Variants in OVOL1 observed in about 807,000 individuals in gnomAD.
OVOL1 encodes putative transcription factor Ovo-like 1.
A neutral mutation model predicts 21.5 loss-of-function variants in OVOL1; 10 were observed. That is an observed-to-expected ratio of 0.46 (90% CI 0.29 to 0.79). OVOL1 has a LOEUF of 0.79. Ranked by LOEUF, OVOL1 falls within the 30% of genes least tolerant of loss-of-function variation. OVOL1 has a pLI of 0.10. For missense variants in OVOL1, 279 were observed against 362.3 expected, an observed-to-expected ratio of 0.77 and a Z score of 1.87; for synonymous variants, 129 against 150.3, an observed-to-expected ratio of 0.86 and a Z score of 1.03.
chr11:65,791,736 G>A (rs1210586023), intron 1 of OVOL1, among the ~76,000 whole-genome samples: 1 of 152,268 alleles, frequency 6.6e-6, no homozygotes, highest in African/African-American at 2.4e-5. Context: ...CAGGCAGTAG[G>A]AAGAGGGCCA....
chr11:65,794,064 G>A lies in OVOL1; in HGVS notation c.134G>A (p.Arg45Gln), dbSNP rs775374544. Reference sequence around the variant, plus strand: ...GGCTTCTGCCCACCACAGCCCTACCGGGAGCCGGAACCCTCTGTGGCCGAA... The same window carrying A: ...GGCTTCTGCCCACCACAGCCCTACCAGGAGCCGGAACCCTCTGTGGCCGAA... ...SLGFCPPQPYREPEPSVAEPP... is the reference protein window; with the variant it reads ...SLGFCPPQPYQEPEPSVAEPP... The change falls in exon 2 of 4, where the codon CGG becomes CAG. Residue 45 changes from arginine (R) to glutamine (Q), a missense_variant. Physicochemically the swap from Arg to Gln is conservative, Grantham distance 43. Coordinates refer to ENST00000335987, the MANE Select transcript of OVOL1 (RefSeq NM_004561.4). 7.9e-5 allele frequency: 127 copies of A among 1,613,890 alleles called. 1 individual carries two copies. Among genetic ancestry groups the A allele is most frequent in the South Asian group, 2.5e-4 (23 of 91,086 alleles).
chr11:65,793,232 GC>G (rs1190069583), intron 1 of OVOL1, among the ~76,000 whole-genome samples: 1 of 152,234 alleles, frequency 6.6e-6, no homozygotes, highest in Non-Finnish European at 1.5e-5. Context: ...AGCCTCCCCG[GC>G]CCGTTCGGTG....
chr11:65,794,773 G>T (rs972186806), intron 3 of OVOL1, 46 bp downstream of exon 3: 1 of 1,585,792 alleles, frequency 6.3e-7, no homozygotes, highest in Admixed American at 1.7e-5. Flanking sequence ...GATCCGCCTG[G>T]CCGCGGCCGT....
In OVOL1 at chr11:65,787,229, G is replaced by T. The variant is rs1857923156; in HGVS notation, c.-145G>T. ...AACCGCCGCGCGCCGTCCGGGCTCG[G>T]ACCTTCCCCGGAACGTGGGGGCGCC... On this transcript the variant is annotated 5_prime_UTR_variant, in exon 1 of 4. Coordinates refer to ENST00000335987, the MANE Select transcript of OVOL1 (RefSeq NM_004561.4). 2 of 608,640 alleles carry T rather than the reference G, an allele frequency of 3.3e-6. No individual in the cohort carries two copies. Among genetic ancestry groups the T allele is most frequent in the Admixed American group, 2.5e-5 (1 of 40,240 alleles). 37.7% of individuals were successfully genotyped at this position (608,640 alleles called of 1,614,324 possible). A position where few individuals can be genotyped will look rare whatever the true frequency, so the allele number is the denominator to read the frequency against.
chr11:65,789,102 T>G (rs2135698937), intron 1 of OVOL1: 1 of 972,726 alleles, frequency 1.0e-6, no homozygotes, highest in East Asian at 1.1e-4. Context: ...ATTTTTAGTT[T>G]TATTTCACAT....
Position 65,795,195 on chromosome 11 carries a change from T to C in OVOL1, c.658T>C (p.Cys220Arg). 6.2e-7 allele frequency: 1 copy of C among 1,613,246 alleles called. No homozygotes were observed. ...AKLYVCEECGCTSESQEGHVL... is the reference protein window; with the variant it reads ...AKLYVCEECGRTSESQEGHVL... ...GCTGTACGTGTGTGAGGAGTGCGGC[T>C]GCACATCTGAGAGCCAGGAGGGCCA... Residue 220 changes from cysteine (C) to arginine (R), a missense_variant, in exon 4 of 4, where the codon TGC (cysteine) becomes CGC (arginine). Transcript: ENST00000335987. The surrounding 1 kb of genome is among the most constrained non-coding windows in gnomAD (Gnocchi z 5.7).
Position 65,795,657 on chromosome 11 carries a change from G to A in OVOL1, c.*316G>A, listed in dbSNP as rs1858118111. The A allele has an allele frequency of 2.2e-6, 1 of 446,894 alleles. No individual in the cohort carries two copies. Among genetic ancestry groups the A allele is most frequent in the African/African-American group, 2.0e-5 (1 of 51,104 alleles). The allele number at this position is 446,894 out of a possible 1,614,324, so 27.7% of individuals were successfully genotyped here. A position where few individuals can be genotyped will look rare whatever the true frequency, so the allele number is the denominator to read the frequency against. ...CCGCCCACAGAGACAGGCACTGTGT[G>A]CCTGGCAGCAGGACTTCCTACCCAG... is the stretch of plus-strand genomic sequence containing the variant. On this transcript the variant is annotated 3_prime_UTR_variant, in exon 4 of 4. Transcript: ENST00000335987. This position sits in a 1 kb window ranked among gnomAD's most constrained non-coding sequence, Gnocchi z 5.7.
At chr11:65,788,328 C>T (rs1857944470) in intron 1 of OVOL1, 1 of 297,612 alleles carries the variant, frequency 3.4e-6, no homozygotes, top group African/African-American at 2.3e-5. Context: ...CCCTGAACGC[C>T]CCAAGAACAC....
chr11:65,792,239 A>T (rs574035310), intron 1 of OVOL1: 1 of 152,578 alleles, frequency 6.6e-6, no homozygotes, highest in Non-Finnish European at 1.5e-5. Context: ...CCTCTCGTGG[A>T]GCAAGGCAGC....
intron 1 of OVOL1, among the ~76,000 whole-genome samples, chr11:65,792,608 G>A (rs1858042966): frequency 6.6e-6 from 1 of 152,222 alleles, no homozygotes; most frequent in African/African-American, 2.4e-5. Flanking sequence ...TGCCAGCCCA[G>A]AGGCCAGGCC....
chr11:65,793,648 T>C, intron 1 of OVOL1: 1 of 291,804 alleles, frequency 3.4e-6, no homozygotes, highest in East Asian at 1.0e-4. Flanking sequence ...CCAAGAGCTG[T>C]CCCTGGGCAG....
chr11:65,794,933 G>A (rs537774646), intron 3 of OVOL1, 113 bp from the exon 4 acceptor site: 40 of 1,153,296 alleles, frequency 3.5e-5, no homozygotes, highest in Non-Finnish European at 4.2e-5. Flanking sequence ...ACAGGCCTCC[G>A]TCCATCCCTT....
chr11:65,793,717 A>AGG (rs71471988), intron 1 of OVOL1: 76,901 of 438,710 alleles, frequency 0.18, 7,938 homozygotes, highest in South Asian at 0.21. Flanking sequence ...TGGAATTCAG[A>AGG]GGGACCAGCC....
At position 65,791,982 on chromosome 11, in the gene OVOL1, A is replaced by T. The variant is rs547554386; in HGVS notation, c.101-2049A>T. 2.4e-4 allele frequency among the ~76,000 whole-genome samples: 37 copies of T among 152,324 alleles called. 1 individual carries two copies. The highest frequency in any genetic ancestry group is 8.9e-4 in the African/African-American group (37 of 41,572). On this transcript the variant is annotated intron_variant, in intron 1 of 3. Transcript: ENST00000335987. Reference sequence around the variant, plus strand: ...ACGCTCATGGGGGTGGCAGGGAGACAGGTTTGGCAGGGTGGGTGGGATGAG... The same window carrying T: ...ACGCTCATGGGGGTGGCAGGGAGACTGGTTTGGCAGGGTGGGTGGGATGAG...
chr11:65,787,163 A>C lies in OVOL1; in HGVS notation c.-211A>C. On this transcript the variant is annotated 5_prime_UTR_variant, in exon 1 of 4. Transcript: ENST00000335987. ...CGCCCGGTGCACCTGGCCGCAAGGG[A>C]CCTCGTTCTCAGGGAAGACGGCGAC... 2.2e-6 allele frequency: 1 copy of C among 448,928 alleles called. No individual in the cohort carries two copies. Among genetic ancestry groups the C allele is most frequent in the Non-Finnish European group, 4.2e-6 (1 of 240,870 alleles). 27.8% of individuals were successfully genotyped at this position (448,928 alleles called of 1,614,324 possible). A position where few individuals can be genotyped will look rare whatever the true frequency, so the allele number is the denominator to read the frequency against.
chr11:65,789,044 AC>A, intron 1 of OVOL1: 1 of 985,558 alleles, frequency 1.0e-6, no homozygotes, highest in Non-Finnish European at 1.2e-6. Flanking sequence ...CTGAACTTGG[AC>A]CGTGGTAAAG....
intron 1 of OVOL1, among the ~76,000 whole-genome samples, chr11:65,793,409 C>A (rs3897552): frequency 6.6e-6 from 1 of 152,154 alleles, no homozygotes; most frequent in African/African-American, 2.4e-5. Context: ...CATCCACCTG[C>A]GGCTCCCTGA....
chr11:65,793,688 C>A (rs1303675347), intron 1 of OVOL1: 2 of 387,634 alleles, frequency 5.2e-6, no homozygotes, highest in East Asian at 1.2e-4. Context: ...TTTGTCCCTG[C>A]AGGAGAGTGG....
In OVOL1 at chr11:65,795,875, G is replaced by A. The variant is rs1472617317; in HGVS notation, c.*534G>A. 3.9e-5 allele frequency: 7 copies of A among 177,922 alleles called. No individual in the cohort carries two copies. The highest frequency in any genetic ancestry group is 6.1e-5 in the Non-Finnish European group (5 of 81,702). The allele number at this position is 177,922 out of a possible 1,614,324, so 11.0% of individuals were successfully genotyped here. On this transcript the variant is annotated 3_prime_UTR_variant, in exon 4 of 4. Transcript: ENST00000335987. This position sits in a 1 kb window ranked among gnomAD's most constrained non-coding sequence, Gnocchi z 5.7. ...GGGTTCTGGAGGGCTCTGTCCTTCC[G>A]GCAAGGAGAGGCACACATGTGTGCC...
Sources: gnomAD v4.1 joint callset for allele counts (sites outside exome capture counted in the v4.1 genomes callset) on GRCh38, gnomAD v4.1.1 for gene constraint, Gnocchi (gnomAD v3.1) non-coding constraint, MANE v1.5 for transcripts, NCBI Gene and HGNC (gene_info 2026-07-23, HGNC 2026-07-21) for gene names.